The following SLC39A12 variants were observed in gnomAD, a reference collection of about 807,000 sequenced individuals.
SLC39A12 encodes zinc transporter ZIP12.
SLC39A12 carries 63 observed loss-of-function variants against 71.1 expected under a neutral mutation model. The ratio of observed to expected loss-of-function variants is 0.89; its 90% CI spans 0.72 to 1.09. SLC39A12 has a LOEUF of 1.09. SLC39A12 is among the 50% of genes least tolerant of loss of function. SLC39A12 has a pLI of 0.00. For missense variants in SLC39A12, 892 were observed against 812.6 expected, an observed-to-expected ratio of 1.10 and a Z score of -1.19; for synonymous variants, 351 against 301.3, an observed-to-expected ratio of 1.16 and a Z score of -1.71.
At chr10:18,014,092 C>T (rs1385705005) in intron 12 of SLC39A12, among the ~76,000 whole-genome samples, 2 of 152,044 alleles carry the variant, frequency 1.3e-5, no homozygotes, top group African/African-American at 2.4e-5. Context: ...AATCCATGAA[C>T]GTGAGATGTC....
chr10:18,012,599 T>G (rs923671649), intron 12 of SLC39A12, among the ~76,000 whole-genome samples: 5 of 152,170 alleles, frequency 3.3e-5, no homozygotes, highest in Admixed American at 3.3e-4. Context: ...CTGGGTGCGG[T>G]GGCTCGCGCC....
chr10:17,972,518 G>A (rs1473472632), intron 4 of SLC39A12, among the ~76,000 whole-genome samples: 1 of 152,110 alleles, frequency 6.6e-6, no homozygotes, highest in Non-Finnish European at 1.5e-5. Context: ...GGGTGCTCCA[G>A]TGTTGAGTGC....
At chr10:18,013,850 C>T (rs929195225) in intron 12 of SLC39A12, among the ~76,000 whole-genome samples, 2 of 152,198 alleles carry the variant, frequency 1.3e-5, no homozygotes, top group African/African-American at 4.8e-5. Context: ...GCCAGTACCA[C>T]ACTCATCTGA....
chr10:18,024,041 C>G (rs1047281074), intron 12 of SLC39A12, among the ~76,000 whole-genome samples: 17 of 152,112 alleles, frequency 1.1e-4, no homozygotes, highest in Non-Finnish European at 2.2e-4. Flanking sequence ...AAGGGCAGGC[C>G]TGTTGGTTAC....
At chr10:17,987,953 C>A (rs544482966) in intron 7 of SLC39A12, among the ~76,000 whole-genome samples, 1 of 152,038 alleles carries the variant, frequency 6.6e-6, no homozygotes, top group African/African-American at 2.4e-5. Flanking sequence ...GCGGGAAGAT[C>A]GCTGGAGCCC....
rs1476835103 is a variant in SLC39A12 at position 17,996,435 on chromosome 10, CTT to C, written c.1600+714_1600+715del. 1.6e-4 allele frequency among the ~76,000 whole-genome samples: 25 copies of C among 152,206 alleles called. No individual in the cohort carries two copies. In the East Asian group the frequency reaches 4.8e-3, roughly 29 times the overall value. On this transcript the variant is annotated intron_variant, in intron 10 of 12. Coordinates refer to ENST00000377369, the MANE Select transcript of SLC39A12 (RefSeq NM_001145195.2). ...TTATTTTACACTTTTGTGACACAAACTTAAGGTTTTAATGTTATGCATCATGA... is the reference window on the plus strand; with the variant it reads ...TTATTTTACACTTTTGTGACACAAACAAGGTTTTAATGTTATGCATCATGA...
Position 17,953,294 on chromosome 10 carries a change from G to C in SLC39A12, c.18G>C (p.Lys6Asn), listed in dbSNP as rs1554847333. MCFRT[K>N]LSVSWVPLFL... Reference sequence around the variant, plus strand: ...GCGTGGAAATGTGCTTCCGGACAAAGCTCTCAGTATCCTGGGTGCCATTGT... The same window carrying C: ...GCGTGGAAATGTGCTTCCGGACAAACCTCTCAGTATCCTGGGTGCCATTGT... The change falls in exon 2 of 13, where the codon AAG (lysine) becomes AAC (asparagine). Residue 6 changes from lysine to asparagine, a missense_variant. Lys to Asn is a moderately conservative substitution (Grantham distance 94, BLOSUM62 0). Transcript: ENST00000377369. 6.2e-7 allele frequency: 1 copy of C among 1,614,118 alleles called. No individual in the cohort carries two copies. Among genetic ancestry groups the C allele is most frequent in the Non-Finnish European group, 8.5e-7 (1 of 1,180,012 alleles).
At chr10:17,966,471 C>A (rs547498521) in intron 4 of SLC39A12, among the ~76,000 whole-genome samples, 48 of 151,980 alleles carry the variant, frequency 3.2e-4, no homozygotes, top group Non-Finnish European at 5.9e-4. Context: ...TCACCATGCC[C>A]AGCTAATTTT....
At position 17,987,648 on chromosome 10, in the gene SLC39A12, T is replaced by G; in HGVS notation, c.1266T>G (p.Pro422=). The G allele has an allele frequency of 2.5e-6, 4 of 1,614,082 alleles. No homozygotes were observed. Among genetic ancestry groups the G allele is most frequent in the Non-Finnish European group, 3.4e-6 (4 of 1,179,990 alleles). ...GGGACGCTCTGCTCCACCTTATCCC[T>G]CAGGTAATCTGGTCTTTTCCATTTC... ...LSGDALLHLI[P]QVLGLHKQEA... is the part of the protein sequence containing the mutation. Residue 422 remains proline (P), a synonymous_variant, in exon 7 of 13, where the codon CCT becomes CCG. Transcript: ENST00000377369.
chr10:17,976,615 T>C (rs1459370297), intron 4 of SLC39A12, among the ~76,000 whole-genome samples: 1 of 151,956 alleles, frequency 6.6e-6, no homozygotes, highest in African/African-American at 2.4e-5. Context: ...TGTAGAGAAG[T>C]GGTTTCACCA....
chr10:18,034,222 C>T (rs1301625647), intron 12 of SLC39A12, among the ~76,000 whole-genome samples: 4 of 150,634 alleles, frequency 2.7e-5, no homozygotes, highest in Admixed American at 6.6e-5. Flanking sequence ...CTTTCTGTCT[C>T]GTTGATCTGT....
At chr10:18,030,622 GTATTTATT>G (rs200462935) in intron 12 of SLC39A12, among the ~76,000 whole-genome samples, 81,527 of 147,828 alleles carry the variant, frequency 0.55, 23,673 homozygotes, top group Non-Finnish European at 0.66. Flanking sequence ...ATTTATTTAT[GTATTTATT>G]TATTTATTTA....
chr10:17,974,588 T>G (rs138478589), intron 4 of SLC39A12, among the ~76,000 whole-genome samples: 13 of 152,344 alleles, frequency 8.5e-5, no homozygotes, highest in African/African-American at 2.9e-4. Flanking sequence ...AGGCAGAGAC[T>G]CTTGTTCTCT....
intron 4 of SLC39A12, among the ~76,000 whole-genome samples, chr10:17,973,488 G>A (rs1340258051): frequency 1.3e-5 from 2 of 152,034 alleles, no homozygotes; most frequent in Non-Finnish European, 2.9e-5. Flanking sequence ...CATGTTTGAA[G>A]GATATTTTCA....
intron 12 of SLC39A12, among the ~76,000 whole-genome samples, chr10:18,007,668 T>C (rs577903033): frequency 2.6e-5 from 4 of 152,334 alleles, no homozygotes; most frequent in African/African-American, 4.8e-5. Context: ...GGATTATTCA[T>C]TCCCCCCCCT....
intron 2 of SLC39A12, among the ~76,000 whole-genome samples, chr10:17,959,050 A>G (rs1466443369): frequency 6.6e-6 from 1 of 152,230 alleles, no homozygotes; most frequent in Non-Finnish European, 1.5e-5. Context: ...ATTGTAGCTA[A>G]TAGTACCAAT....
intron 10 of SLC39A12, among the ~76,000 whole-genome samples, chr10:17,997,539 C>G (rs2130836377): frequency 6.6e-6 from 1 of 152,176 alleles, no homozygotes; most frequent in South Asian, 2.1e-4. Context: ...CATGCCCAGT[C>G]AAATCAGGAG....
At chr10:18,041,986 T>G (rs554625398) in intron 12 of SLC39A12, among the ~76,000 whole-genome samples, 1 of 151,698 alleles carries the variant, frequency 6.6e-6, no homozygotes, top group Non-Finnish European at 1.5e-5. Flanking sequence ...GTCATCGCTC[T>G]CTCTCTCTCC....
chr10:18,034,953 T>C (rs1836957348), intron 12 of SLC39A12, among the ~76,000 whole-genome samples: 1 of 152,168 alleles, frequency 6.6e-6, no homozygotes, highest in Non-Finnish European at 1.5e-5. Context: ...AATTCTTGTC[T>C]TTAAGAATGT....
Sources: gnomAD v4.1 joint callset for allele counts (sites outside exome capture counted in the v4.1 genomes callset) on GRCh38, gnomAD v4.1.1 for gene constraint, MANE v1.5 for transcripts, NCBI Gene and HGNC (gene_info 2026-07-23, HGNC 2026-07-21) for gene names.